Variants in PCDH7 observed in about 807,000 individuals in gnomAD.
PCDH7 encodes protocadherin 7, also known as protocadherin-7.
PCDH7 carries 17 observed loss-of-function variants against 58.9 expected under a neutral mutation model. That is an observed-to-expected ratio of 0.29 (90% confidence interval 0.20 to 0.43). The LOEUF (loss-of-function observed/expected upper bound fraction) is 0.43. PCDH7 is among the 20% of genes least tolerant of loss of function. The probability of loss-of-function intolerance (pLI) is 1.00; values close to 1 mark genes in which losing one functional copy is unlikely to be tolerated. For missense variants in PCDH7, 1,274 were observed against 1,441.0 expected, an observed-to-expected ratio of 0.88 and a Z score of 1.88; for synonymous variants, 664 against 616.4, an observed-to-expected ratio of 1.08 and a Z score of -1.14.
chr4:30,962,789 A>AC (rs1392380870), intron 3 of PCDH7, among the ~76,000 whole-genome samples: 3 of 149,766 alleles, frequency 2.0e-5, no homozygotes, highest in East Asian at 4.1e-4. Flanking sequence ...AAAAAAAAAA[A>AC]AAAAAAAAAA....
intron 3 of PCDH7, among the ~76,000 whole-genome samples, chr4:30,975,364 C>A (rs892360352): frequency 6.6e-6 from 1 of 152,036 alleles, no homozygotes; most frequent in African/African-American, 2.4e-5. Context: ...TCTCAAAAAT[C>A]ATCAGAATCA....
intron 1 of PCDH7, among the ~76,000 whole-genome samples, chr4:30,917,635 A>T (rs1170971026): frequency 6.6e-6 from 1 of 152,022 alleles, no homozygotes; most frequent in Non-Finnish European, 1.5e-5. Flanking sequence ...TTTTAAAATT[A>T]TGCCATTTTT....
At chr4:30,888,464 A>C (rs942049363) in intron 1 of PCDH7, among the ~76,000 whole-genome samples, 1 of 152,236 alleles carries the variant, frequency 6.6e-6, no homozygotes, top group Non-Finnish European at 1.5e-5. Context: ...AAGAGAGGAT[A>C]TTTATAGACT....
chr4:30,730,257 C>A (rs1715291431), intron 1 of PCDH7, among the ~76,000 whole-genome samples: 1 of 151,902 alleles, frequency 6.6e-6, no homozygotes, highest in African/African-American at 2.4e-5. Context: ...ATAGTAAGAG[C>A]TGTTCCCATA....
chr4:30,989,258 G>A (rs1475347064), intron 3 of PCDH7, among the ~76,000 whole-genome samples: 2 of 148,842 alleles, frequency 1.3e-5, no homozygotes, highest in Non-Finnish European at 2.9e-5. Flanking sequence ...TGCAAAACAA[G>A]CTAAGATAGG....
intron 1 of PCDH7, among the ~76,000 whole-genome samples, chr4:30,854,798 G>A (rs552013542): frequency 2.6e-5 from 4 of 152,172 alleles, no homozygotes; most frequent in Admixed American, 1.3e-4. Context: ...AAGTGGAAGA[G>A]GAGGGTTGTG....
chr4:30,973,708 T>C (rs1485181388), intron 3 of PCDH7, among the ~76,000 whole-genome samples: 2 of 152,174 alleles, frequency 1.3e-5, no homozygotes, highest in Non-Finnish European at 2.9e-5. Flanking sequence ...TCTCCAATTT[T>C]TTTTTTATTC....
chr4:30,918,993 AGTAATTT>A (rs1444533964), intron 1 of PCDH7, among the ~76,000 whole-genome samples: 1 of 152,170 alleles, frequency 6.6e-6, no homozygotes, highest in Non-Finnish European at 1.5e-5. Flanking sequence ...GGTCGTAATT[AGTAATTT>A]GTATCATGAA....
At chr4:31,055,034 G>T (rs775710487) in intron 3 of PCDH7, among the ~76,000 whole-genome samples, 2 of 152,080 alleles carry the variant, frequency 1.3e-5, no homozygotes, top group Non-Finnish European at 2.9e-5. Flanking sequence ...TTTGCTCCTA[G>T]GAGGTTTTAG....
intron 3 of PCDH7, among the ~76,000 whole-genome samples, chr4:31,033,864 TGG>T (rs1205206248): frequency 6.6e-6 from 1 of 152,026 alleles, no homozygotes; most frequent in African/African-American, 2.4e-5. Flanking sequence ...GAGGCTGAGG[TGG>T]GCAGATCACC....
intron 3 of PCDH7, among the ~76,000 whole-genome samples, chr4:31,028,892 G>A (rs936245537): frequency 6.6e-6 from 1 of 152,060 alleles, no homozygotes; most frequent in Non-Finnish European, 1.5e-5. Flanking sequence ...TCATAAAAGC[G>A]ATTATCCCAG....
intron 3 of PCDH7, among the ~76,000 whole-genome samples, chr4:31,045,528 G>A (rs1197003709): frequency 6.6e-5 from 10 of 151,972 alleles, no homozygotes; most frequent in Non-Finnish European, 1.5e-4. Flanking sequence ...TAAGCAGAAC[G>A]GTAGCTGATA....
intron 1 of PCDH7, among the ~76,000 whole-genome samples, chr4:30,883,467 C>A (rs1016214855): frequency 6.6e-6 from 1 of 152,110 alleles, no homozygotes; most frequent in African/African-American, 2.4e-5. Flanking sequence ...ACTATCACAC[C>A]AGCATGACGA....
intron 1 of PCDH7, among the ~76,000 whole-genome samples, chr4:30,868,681 G>A (rs1735177086): frequency 6.6e-6 from 1 of 151,924 alleles, no homozygotes; most frequent in African/African-American, 2.4e-5. Context: ...CTAATATCAA[G>A]AATTCTTGAC....
At chr4:31,049,138 A>G (rs1756537859) in intron 3 of PCDH7, among the ~76,000 whole-genome samples, 1 of 151,936 alleles carries the variant, frequency 6.6e-6, no homozygotes, top group African/African-American at 2.4e-5. Context: ...TCCTAATGCT[A>G]TCCCTCCCCA....
At chr4:30,897,587 T>C (rs374924140) in intron 1 of PCDH7, among the ~76,000 whole-genome samples, 4 of 152,224 alleles carry the variant, frequency 2.6e-5, no homozygotes, top group East Asian at 3.8e-4. Context: ...TATATTTTAT[T>C]GATTACAAGT....
At chr4:31,062,380 G>T (rs1248445619) in intron 3 of PCDH7, among the ~76,000 whole-genome samples, 1 of 151,710 alleles carries the variant, frequency 6.6e-6, no homozygotes, top group Non-Finnish European at 1.5e-5. Flanking sequence ...TAGATGCTAA[G>T]ATTTGGGTGC....
chr4:30,750,898 G>A (rs1718425097), intron 1 of PCDH7, among the ~76,000 whole-genome samples: 1 of 151,814 alleles, frequency 6.6e-6, no homozygotes, highest in Non-Finnish European at 1.5e-5. Context: ...TTTTTTTCCA[G>A]GATGTAGAAA....
chr4:31,081,186 T>A (rs1759469097), intron 3 of PCDH7, among the ~76,000 whole-genome samples: 1 of 152,352 alleles, frequency 6.6e-6, no homozygotes, highest in South Asian at 2.1e-4. Flanking sequence ...GTATTTAAAA[T>A]ATGCATTCAT....
Sources: allele counts gnomAD v4.1 joint callset (sites outside exome capture counted in the v4.1 genomes callset), GRCh38; gene constraint gnomAD v4.1.1; transcripts MANE v1.5; gene names NCBI Gene and HGNC (gene_info 2026-07-23, HGNC 2026-07-21).